GRM8: variants seen among roughly 807,000 people sequenced by gnomAD.
GRM8 encodes the protein metabotropic glutamate receptor 8.
In GRM8, 47 loss-of-function variants were observed where a neutral mutation model predicts 87.2. The ratio of observed to expected loss-of-function variants is 0.54; its 90% CI spans 0.43 to 0.69. The LOEUF (loss-of-function observed/expected upper bound fraction) is 0.69, where lower values mean the gene tolerates loss of function less well. GRM8 is among the 30% of genes least tolerant of loss of function. GRM8 has a pLI of 0.00. For missense variants in GRM8, 1,019 were observed against 1,139.2 expected (o/e 0.89, Z 1.52); for synonymous variants, 396 against 404.5 (o/e 0.98, Z 0.25).
chr7:127,194,071 C>A (rs1196316626), intron 2 of GRM8, among the ~76,000 whole-genome samples: 2 of 152,200 alleles, frequency 1.3e-5, no homozygotes, highest in Admixed American at 6.5e-5. Context: ...AGGCTCTGAG[C>A]TCCTCCAATG....
chr7:127,183,911 C>T (rs1794607304), intron 2 of GRM8, among the ~76,000 whole-genome samples: 1 of 151,832 alleles, frequency 6.6e-6, no homozygotes, highest in Admixed American at 6.6e-5. Flanking sequence ...TCTCTGCCCA[C>T]AAATTAGATA....
intron 9 of GRM8, among the ~76,000 whole-genome samples, chr7:126,466,749 C>A (rs541625364): frequency 6.6e-6 from 1 of 151,832 alleles, no homozygotes; most frequent in East Asian, 2.0e-4. Flanking sequence ...CTATTCAGGC[C>A]ATCAATGGAT....
chr7:126,632,078 A>G (rs952478547), intron 7 of GRM8, among the ~76,000 whole-genome samples: 15 of 152,212 alleles, frequency 9.9e-5, no homozygotes, highest in Admixed American at 7.2e-4. Flanking sequence ...CAAAACTATC[A>G]TCAGAGCAAA....
intron 9 of GRM8, among the ~76,000 whole-genome samples, chr7:126,489,385 T>A (rs1382461514): frequency 6.6e-6 from 1 of 152,074 alleles, no homozygotes; most frequent in Non-Finnish European, 1.5e-5. Context: ...AATGGAGACA[T>A]CTTTGAGAAT....
At chr7:126,951,416 T>A (rs1309612039) in intron 3 of GRM8, among the ~76,000 whole-genome samples, 2 of 152,052 alleles carry the variant, frequency 1.3e-5, no homozygotes, top group Non-Finnish European at 2.9e-5. Flanking sequence ...GATTCATATT[T>A]TTCACATGCC....
At chr7:127,186,536 T>G (rs1794746577) in intron 2 of GRM8, among the ~76,000 whole-genome samples, 1 of 152,144 alleles carries the variant, frequency 6.6e-6, no homozygotes, top group African/African-American at 2.4e-5. Context: ...CTTCCCCAAG[T>G]TCCTAGCAGA....
chr7:127,226,338 G>C (rs113915811), intron 2 of GRM8, among the ~76,000 whole-genome samples: 3,844 of 152,164 alleles, frequency 0.025, 160 homozygotes, highest in African/African-American at 0.086. Flanking sequence ...CTCCTTGCAC[G>C]TATTCAAAAA....
intron 8 of GRM8, among the ~76,000 whole-genome samples, chr7:126,592,861 G>GTCCTTGT (rs999565251): frequency 6.6e-6 from 1 of 151,782 alleles, no homozygotes; most frequent in Non-Finnish European, 1.5e-5. Context: ...GAGATAAATT[G>GTCCTTGT]TCCTTGTTTG....
chr7:126,469,604 C>A (rs921408630), intron 9 of GRM8, among the ~76,000 whole-genome samples: 1 of 152,120 alleles, frequency 6.6e-6, no homozygotes, highest in African/African-American at 2.4e-5. Flanking sequence ...TAAGGGGCTT[C>A]CCCTCACTCC....
intron 6 of GRM8, among the ~76,000 whole-genome samples, chr7:126,850,632 T>C (rs1797125998): frequency 6.6e-6 from 1 of 152,198 alleles, no homozygotes; most frequent in Non-Finnish European, 1.5e-5. Context: ...ACTTCTATGA[T>C]TATCTCAATA....
chr7:126,591,316 C>T (rs1796648165), intron 8 of GRM8, among the ~76,000 whole-genome samples: 1 of 152,028 alleles, frequency 6.6e-6, no homozygotes, highest in Admixed American at 6.6e-5. Context: ...CCTTGTATAA[C>T]AGAAAAGTAT....
At chr7:127,102,084 T>A (rs890320726) in intron 3 of GRM8, among the ~76,000 whole-genome samples, 1 of 152,196 alleles carries the variant, frequency 6.6e-6, no homozygotes, top group African/African-American at 2.4e-5. Context: ...AAGTTTGAAC[T>A]TGAAAGTAAT....
chr7:126,663,213 A>G (rs1316828357), intron 7 of GRM8, among the ~76,000 whole-genome samples: 1 of 152,230 alleles, frequency 6.6e-6, no homozygotes, highest in Non-Finnish European at 1.5e-5. Flanking sequence ...CACCAGATAG[A>G]CAAAGAAGAA....
intron 7 of GRM8, among the ~76,000 whole-genome samples, chr7:126,699,135 C>G (rs1310255652): frequency 6.6e-6 from 1 of 152,138 alleles, no homozygotes; most frequent in East Asian, 1.9e-4. Flanking sequence ...CCAGGCAGAG[C>G]TAATCACTTA....
intron 2 of GRM8, among the ~76,000 whole-genome samples, chr7:127,112,870 G>A (rs1826462096): frequency 6.6e-6 from 1 of 152,208 alleles, no homozygotes; most frequent in Admixed American, 6.5e-5. Context: ...ACTTCAATGT[G>A]TCATTAAAGA....
intron 6 of GRM8, among the ~76,000 whole-genome samples, chr7:126,840,223 A>C (rs1796149635): frequency 6.6e-6 from 1 of 152,212 alleles, no homozygotes; most frequent in Non-Finnish European, 1.5e-5. Flanking sequence ...CTGCAGTCTT[A>C]AATTATCCAA....
intron 6 of GRM8, among the ~76,000 whole-genome samples, chr7:126,835,951 T>C (rs1177452021): frequency 6.6e-6 from 1 of 152,218 alleles, no homozygotes; most frequent in East Asian, 1.9e-4. Flanking sequence ...CTAAGGCTGA[T>C]GAATGAGAAT....
At chr7:127,224,760 G>T (rs1241824555) in intron 2 of GRM8, among the ~76,000 whole-genome samples, 2 of 152,152 alleles carry the variant, frequency 1.3e-5, no homozygotes, top group Non-Finnish European at 2.9e-5. Flanking sequence ...AATTGGAAGG[G>T]TAAAGGGAGG....
intron 8 of GRM8, 73 bp from the exon 9 acceptor site, chr7:126,533,960 T>G: frequency 9.1e-7 from 1 of 1,100,050 alleles, no homozygotes; most frequent in Non-Finnish European, 1.3e-6. Flanking sequence ...GCCACGGGTT[T>G]GTAATGAATC....
Sources: allele counts gnomAD v4.1 joint callset (sites outside exome capture counted in the v4.1 genomes callset), GRCh38; gene constraint gnomAD v4.1.1; transcripts MANE v1.5; gene names NCBI Gene and HGNC (gene_info 2026-07-23, HGNC 2026-07-21).